The following SELENOF variants were observed in gnomAD, a reference collection of about 807,000 sequenced individuals.
The protein encoded by SELENOF is 15 kDa selenoprotein.
In SELENOF, 16 loss-of-function variants were observed where a neutral mutation model predicts 20.5. That is an observed-to-expected ratio of 0.78 (90% CI 0.53 to 1.19). The LOEUF (loss-of-function observed/expected upper bound fraction) is 1.19, where lower values mean the gene tolerates loss of function less well. Ranked by LOEUF, SELENOF falls within the 50% of genes most tolerant of loss-of-function variation. SELENOF has a pLI of 0.00. For synonymous variants in SELENOF, 78 were observed against 74.5 expected (o/e 1.05, Z -0.24); for missense variants, 215 against 194.2 (o/e 1.11, Z -0.64).
intron 1 of SELENOF, among the ~76,000 whole-genome samples, chr1:86,907,370 G>C (rs1309842424): frequency 6.6e-6 from 1 of 152,142 alleles, no homozygotes; most frequent in Non-Finnish European, 1.5e-5. Flanking sequence ...GAGATACAAA[G>C]TATCGAGTTT....
chr1:86,874,142 T>G (rs1482083344), intron 3 of SELENOF, among the ~76,000 whole-genome samples: 1 of 151,912 alleles, frequency 6.6e-6, no homozygotes, highest in Admixed American at 6.5e-5. Flanking sequence ...TTTTTTTTTT[T>G]GTATATTTAG....
At chr1:86,883,643 G>A (rs1468073384) in intron 2 of SELENOF, among the ~76,000 whole-genome samples, 4 of 152,092 alleles carry the variant, frequency 2.6e-5, no homozygotes, top group Non-Finnish European at 2.9e-5. Context: ...AACTCTTGGT[G>A]GAGATTCCAC....
At position 86,873,938 on chromosome 1, in the gene SELENOF, C is replaced by T. The variant is rs79687822; in HGVS notation, c.317-5836G>A. Among the ~76,000 whole-genome samples the T allele has an allele frequency of 4.3e-3, 655 of 151,866 alleles. 4 individuals carry two copies. The highest frequency in any genetic ancestry group is 4.3e-3 in the Non-Finnish European group (294 of 67,938). On this transcript the variant is annotated intron_variant, in intron 3 of 4. Transcript: ENST00000331835. The stretch of plus-strand genomic sequence containing the variant: ...TCTAAAGTGTTATTTTATCTCTTTG[C>T]ATTCATTTTCTGATCCATTTAATCA...
chr1:86,894,349 A>C (rs535174555), intron 2 of SELENOF, among the ~76,000 whole-genome samples: 16 of 152,224 alleles, frequency 1.1e-4, no homozygotes, highest in African/African-American at 3.4e-4. Flanking sequence ...TTATGAAATA[A>C]TTATTTTTAT....
intron 2 of SELENOF, among the ~76,000 whole-genome samples, chr1:86,898,397 G>A (rs1659581385): frequency 6.6e-6 from 1 of 152,120 alleles, no homozygotes; most frequent in Non-Finnish European, 1.5e-5. Context: ...TATGCCTCTG[G>A]CTATCAAAGT....
chr1:86,886,876 T>C (rs492105), intron 2 of SELENOF, among the ~76,000 whole-genome samples: 39,333 of 151,996 alleles, frequency 0.26, 6,268 homozygotes, highest in African/African-American at 0.45. Context: ...ATTATTTAGA[T>C]ATTCCAATGA....
chr1:86,903,777 TAG>T (rs1353272326), intron 1 of SELENOF, among the ~76,000 whole-genome samples: 1 of 151,836 alleles, frequency 6.6e-6, no homozygotes, highest in African/African-American at 2.4e-5. Context: ...GTATTTTTAA[TAG>T]AGACGGGGGC....
At chr1:86,884,354 C>T (rs1659157701) in intron 2 of SELENOF, among the ~76,000 whole-genome samples, 1 of 144,642 alleles carries the variant, frequency 6.9e-6, no homozygotes. Context: ...CATACACACA[C>T]ACACACACAC....
intron 1 of SELENOF, among the ~76,000 whole-genome samples, chr1:86,909,628 A>G (rs1273607319): frequency 2.0e-5 from 3 of 152,190 alleles, no homozygotes; most frequent in Non-Finnish European, 4.4e-5. Context: ...CGGGGACAGG[A>G]GGAGTGGAGG....
chr1:86,870,400 CCAAA>C (rs1464972408), intron 3 of SELENOF, among the ~76,000 whole-genome samples: 1 of 152,098 alleles, frequency 6.6e-6, no homozygotes, highest in Non-Finnish European at 1.5e-5. Context: ...TCCTGAATCC[CCAAA>C]CAAAAATGAT....
rs201714324 is a variant in SELENOF, at chr1:86,870,623, A to ATT, written c.317-2523_317-2522dup. On this transcript the variant is annotated intron_variant, in intron 3 of 4. Transcript: ENST00000331835. ...TAATAAATAGTTCACTTATTAAAATATTTTTTTTTTTTGAGACGGAGTCTT... is the reference window on the plus strand; with the variant it reads ...TAATAAATAGTTCACTTATTAAAATATTTTTTTTTTTTTTGAGACGGAGTCTT... 2.9e-3 allele frequency among the ~76,000 whole-genome samples: 425 copies of ATT among 148,692 alleles called. 2 individuals are homozygous for ATT. Among genetic ancestry groups the ATT allele is most frequent in the South Asian group, 0.025 (120 of 4,714 alleles).
chr1:86,882,046 A>G (rs1659084322), intron 2 of SELENOF, among the ~76,000 whole-genome samples: 1 of 152,040 alleles, frequency 6.6e-6, no homozygotes, highest in African/African-American at 2.4e-5. Flanking sequence ...ATCCTGGCCA[A>G]CATGGTGAAA....
chr1:86,905,433 T>G (rs1257147870), intron 1 of SELENOF, among the ~76,000 whole-genome samples: 1 of 152,182 alleles, frequency 6.6e-6, no homozygotes, highest in Non-Finnish European at 1.5e-5. Context: ...TTTTCAAGAA[T>G]CTAATCAGTA....
At chr1:86,886,951 A>G (rs1659234421) in intron 2 of SELENOF, among the ~76,000 whole-genome samples, 1 of 152,222 alleles carries the variant, frequency 6.6e-6, no homozygotes, top group Non-Finnish European at 1.5e-5. Flanking sequence ...AATATCCAGT[A>G]TAATTTTAAA....
Position 86,868,092 on chromosome 1 carries a change from C to G in SELENOF, c.327G>C (p.Arg109Ser). 1 of 1,512,562 alleles carries G rather than the reference C, an allele frequency of 6.6e-7. No individual in the cohort carries two copies. The allele number at this position is 1,512,562 out of a possible 1,614,324, so 93.7% of individuals were successfully genotyped here. Residue 109 changes from arginine to serine, a missense_variant, in exon 4 of 5, where the codon AGG becomes AGC. By Grantham distance (110) the Arg-to-Ser change is moderately radical. Transcript: ENST00000331835. Reference protein sequence around the residue: ...GRFPQVQAFVRSDKPKLFRGL... With the variant: ...GRFPQVQAFVSSDKPKLFRGL... ...CTCTGAACAGTTTGGGTTTATCACT[C>G]CTAACAAAAGCTTATAAAAAAAGAA...
intron 4 of SELENOF, 129 bp downstream of exon 4, chr1:86,867,918 GAAATTA>G: frequency 2.5e-6 from 1 of 400,838 alleles, no homozygotes; most frequent in Non-Finnish European, 4.4e-6. Flanking sequence ...ATTTTTCAGT[GAAATTA>G]AAAATTTAAA....
chr1:86,885,874 A>C (rs1486616903), intron 2 of SELENOF, among the ~76,000 whole-genome samples: 1 of 152,200 alleles, frequency 6.6e-6, no homozygotes, highest in Non-Finnish European at 1.5e-5. Flanking sequence ...AATTGCTATA[A>C]GAAGTCACCA....
chr1:86,868,533 T>C (rs561684357), intron 3 of SELENOF, among the ~76,000 whole-genome samples: 5 of 152,228 alleles, frequency 3.3e-5, no homozygotes, highest in East Asian at 3.9e-4. Context: ...TTTTTTAATG[T>C]GCTAAAGCTA....
At chr1:86,888,727 G>A (rs533319888) in intron 2 of SELENOF, among the ~76,000 whole-genome samples, 161 of 152,328 alleles carry the variant, frequency 1.1e-3, no homozygotes, top group Non-Finnish European at 1.9e-3. Flanking sequence ...GCAGTGGTGC[G>A]ATCTCGGCTC....
Sources: gnomAD v4.1 joint callset for allele counts (sites outside exome capture counted in the v4.1 genomes callset) on GRCh38, gnomAD v4.1.1 for gene constraint, MANE v1.5 for transcripts, NCBI Gene and HGNC (gene_info 2026-07-23, HGNC 2026-07-21) for gene names.